Variants in ATF6 observed in about 807,000 individuals in gnomAD.
ATF6 encodes the protein activating transcription factor 6.
In ATF6, 53 loss-of-function variants were observed where a neutral mutation model predicts 83.6. That is an observed-to-expected ratio of 0.63 (90% CI 0.51 to 0.80). The LOEUF (loss-of-function observed/expected upper bound fraction) is 0.80, where lower values mean the gene tolerates loss of function less well. Ranked by LOEUF, ATF6 falls within the 30% of genes least tolerant of loss-of-function variation. The pLI is 0.00. For synonymous variants in ATF6, 288 were observed against 285.8 expected (o/e 1.01, Z -0.08); for missense variants, 744 against 797.9 (o/e 0.93, Z 0.81).
chr1:161,862,755 A>G (rs77852439), intron 13 of ATF6, among the ~76,000 whole-genome samples: 2 of 152,160 alleles, frequency 1.3e-5, no homozygotes, highest in Admixed American at 6.5e-5. Context: ...CTTGTTTTCA[A>G]GTCCTAAGCT....
intron 15 of ATF6, among the ~76,000 whole-genome samples, chr1:161,953,347 CCCT>C (rs1162617816): frequency 6.6e-6 from 1 of 152,114 alleles, no homozygotes; most frequent in Non-Finnish European, 1.5e-5. Flanking sequence ...TTTAGTAATA[CCCT>C]TCAATCATCA....
intron 15 of ATF6, among the ~76,000 whole-genome samples, chr1:161,926,660 T>C (rs1688317482): frequency 6.6e-6 from 1 of 152,196 alleles, no homozygotes; most frequent in Non-Finnish European, 1.5e-5. Context: ...GGGAGGGGAC[T>C]GTACAAGGGT....
chr1:161,909,200 T>C (rs572582697), intron 14 of ATF6, among the ~76,000 whole-genome samples: 1 of 152,348 alleles, frequency 6.6e-6, no homozygotes, highest in South Asian at 2.1e-4. Context: ...TGTCTCCTTC[T>C]GTCTTCTTGC....
intron 15 of ATF6, among the ~76,000 whole-genome samples, chr1:161,952,458 C>G (rs912183438): frequency 6.6e-6 from 1 of 151,970 alleles, no homozygotes; most frequent in Admixed American, 6.6e-5. Flanking sequence ...CATGCTTTTT[C>G]CCCCCATAGC....
chr1:161,860,313 A>G (rs1293862601), intron 13 of ATF6, 36 bp downstream of exon 13: 2 of 1,437,846 alleles, frequency 1.4e-6, no homozygotes, highest in Non-Finnish European at 1.9e-6. Flanking sequence ...CAAGGAATTT[A>G]AAATAGCTGG....
intron 6 of ATF6, among the ~76,000 whole-genome samples, chr1:161,793,044 C>T (rs969148605): frequency 6.6e-6 from 1 of 152,086 alleles, no homozygotes; most frequent in African/African-American, 2.4e-5. Flanking sequence ...ATTCTTATCT[C>T]TGGATTTAGT....
At chr1:161,886,851 G>T (rs1003221023) in intron 14 of ATF6, among the ~76,000 whole-genome samples, 1 of 152,154 alleles carries the variant, frequency 6.6e-6, no homozygotes, top group Admixed American at 6.5e-5. Context: ...CCACAGTCCT[G>T]TATTGCCACT....
intron 9 of ATF6, among the ~76,000 whole-genome samples, chr1:161,841,343 A>G (rs1260288667): frequency 1.3e-5 from 2 of 152,190 alleles, no homozygotes; most frequent in South Asian, 2.1e-4. Flanking sequence ...TCTGTGGGTC[A>G]TTTCATAGAG....
chr1:161,901,485 C>A (rs1687785810), intron 14 of ATF6, among the ~76,000 whole-genome samples: 2 of 146,642 alleles, frequency 1.4e-5, no homozygotes, highest in African/African-American at 2.5e-5. Flanking sequence ...ATAATTATAT[C>A]TCCCAAAGCA....
chr1:161,941,181 T>C (rs888116748), intron 15 of ATF6, among the ~76,000 whole-genome samples: 1 of 152,246 alleles, frequency 6.6e-6, no homozygotes, highest in Non-Finnish European at 1.5e-5. Flanking sequence ...CCCTATCAAC[T>C]GAATCTGCTG....
At chr1:161,782,127 T>A (rs1684645808) in intron 3 of ATF6, 128 bp downstream of exon 3, 1 of 611,506 alleles carries the variant, frequency 1.6e-6, no homozygotes, top group Admixed American at 3.5e-5. Context: ...TGTTATGCAT[T>A]CTACTTCTGG....
chr1:161,853,855 A>G (rs1686698997), intron 12 of ATF6, among the ~76,000 whole-genome samples: 1 of 152,210 alleles, frequency 6.6e-6, no homozygotes, highest in Non-Finnish European at 1.5e-5. Context: ...TCATTCATCA[A>G]ATATTTGTTG....
intron 3 of ATF6, among the ~76,000 whole-genome samples, chr1:161,782,363 C>T (rs1684653669): frequency 6.6e-6 from 1 of 152,032 alleles, no homozygotes; most frequent in African/African-American, 2.4e-5. Context: ...TGGAGGAGTC[C>T]CATGCATTTA....
At chr1:161,774,122 G>A (rs1336714336) in intron 1 of ATF6, among the ~76,000 whole-genome samples, 2 of 152,186 alleles carry the variant, frequency 1.3e-5, no homozygotes, top group Non-Finnish European at 2.9e-5. Context: ...TTTTTAAAAA[G>A]CATCAATTCA....
intron 10 of ATF6, among the ~76,000 whole-genome samples, chr1:161,849,598 T>A (rs2101822938): frequency 6.6e-6 from 1 of 152,264 alleles, no homozygotes; most frequent in South Asian, 2.1e-4. Flanking sequence ...TTCCTTTTTT[T>A]ATTGGCTGCT....
chr1:161,814,215 A>G (rs1440183109), intron 7 of ATF6, among the ~76,000 whole-genome samples: 3 of 152,200 alleles, frequency 2.0e-5, no homozygotes, highest in Admixed American at 1.3e-4. Flanking sequence ...CACGTGAAGC[A>G]GTGGAGTCAT....
At chr1:161,905,237 CCA>C (rs1185305236) in intron 14 of ATF6, among the ~76,000 whole-genome samples, 3 of 152,108 alleles carry the variant, frequency 2.0e-5, no homozygotes, top group Non-Finnish European at 4.4e-5. Context: ...GCTGTGCTAT[CCA>C]CACAAACACA....
chr1:161,812,163 A>G (rs985744643), intron 7 of ATF6, among the ~76,000 whole-genome samples: 1 of 152,104 alleles, frequency 6.6e-6, no homozygotes, highest in Admixed American at 6.5e-5. Context: ...TAAATCTTAT[A>G]ACAGCTCTTT....
At chr1:161,942,153 C>A (rs1688659463) in intron 15 of ATF6, among the ~76,000 whole-genome samples, 2 of 152,210 alleles carry the variant, frequency 1.3e-5, no homozygotes, top group African/African-American at 4.8e-5. Context: ...TAGAAACACT[C>A]TGCAGTATCT....
Sources: gnomAD v4.1 joint callset for allele counts (sites outside exome capture counted in the v4.1 genomes callset) on GRCh38, gnomAD v4.1.1 for gene constraint, MANE v1.5 for transcripts, NCBI Gene and HGNC (gene_info 2026-07-23, HGNC 2026-07-21) for gene names.